A4GALT: variants seen among roughly 807,000 people sequenced by gnomAD.
A4GALT encodes the protein lactosylceramide 4-alpha-galactosyltransferase.
For synonymous variants in A4GALT, 257 were observed against 220.7 expected (o/e 1.16, Z -1.46); for missense variants, 512 against 486.0 (o/e 1.05, Z -0.50).
intron 1 of A4GALT, among the ~76,000 whole-genome samples, chr22:42,698,404 C>T (rs1367808901): frequency 6.6e-6 from 1 of 152,224 alleles, no homozygotes; most frequent in African/African-American, 2.4e-5. Flanking sequence ...AGAAAAGGCC[C>T]TCCAAGCTGG....
At chr22:42,704,876 GGGC>G (rs544933703) in intron 1 of A4GALT, among the ~76,000 whole-genome samples, 2 of 35,360 alleles carry the variant, frequency 5.7e-5, no homozygotes, top group South Asian at 1.1e-3. Flanking sequence ...CAATGGGGGG[GGGC>G]GGGGGGGGGC....
intron 1 of A4GALT, among the ~76,000 whole-genome samples, chr22:42,710,274 A>G (rs1921561755): frequency 6.6e-6 from 1 of 152,218 alleles, no homozygotes; most frequent in South Asian, 2.1e-4. Context: ...AGTAAAAACT[A>G]AAGATGGTAG....
intron 1 of A4GALT, among the ~76,000 whole-genome samples, chr22:42,699,534 C>G (rs962940901): frequency 7.9e-5 from 12 of 152,184 alleles, no homozygotes; most frequent in African/African-American, 2.9e-4. Flanking sequence ...ATGGGCCTGG[C>G]CCGGGGAGCT....
intron 1 of A4GALT, among the ~76,000 whole-genome samples, chr22:42,703,857 AAACAGCACCGAGT>A (rs1372527135): frequency 6.6e-6 from 1 of 152,178 alleles, no homozygotes; most frequent in Non-Finnish European, 1.5e-5. Flanking sequence ...CAGAGCCAAG[AAACAGCACCGAGT>A]ACAGAATTCA....
In A4GALT at chr22:42,692,773, G is replaced by A. The variant is rs1261762316; in HGVS notation, c.*117C>T. On this transcript the variant is annotated 3_prime_UTR_variant, in exon 3 of 3. Coordinates refer to ENST00000642412, the MANE Select transcript of A4GALT (RefSeq NM_017436.7). The surrounding 1 kb of genome is among the most constrained non-coding windows in gnomAD (Gnocchi z 4.6). Reference sequence around the variant, plus strand: ...TGCTCCCACAGCTCCTCAACAGCCTGCCTAAGCCCGGTGGCAGCTCGGGCC... The same window carrying A: ...TGCTCCCACAGCTCCTCAACAGCCTACCTAAGCCCGGTGGCAGCTCGGGCC... 2 of 1,244,558 alleles carry A rather than the reference G, an allele frequency of 1.6e-6. No homozygotes were observed. The highest frequency in any genetic ancestry group is 3.0e-5 in the African/African-American group (2 of 67,558). 77.1% of individuals were successfully genotyped at this position (1,244,558 alleles called of 1,614,324 possible). A position where few individuals can be genotyped will look rare whatever the true frequency, so the allele number is the denominator to read the frequency against.
At chr22:42,708,961 A>G (rs1921413753) in intron 1 of A4GALT, among the ~76,000 whole-genome samples, 1 of 151,804 alleles carries the variant, frequency 6.6e-6, no homozygotes, top group Admixed American at 6.6e-5. Flanking sequence ...ACCAGGGCAA[A>G]ACATTTTGGG....
At chr22:42,718,343 T>A (rs1434596743) in intron 1 of A4GALT, 10 of 152,210 alleles carry the variant, frequency 6.6e-5, no homozygotes, top group Admixed American at 6.5e-4. Flanking sequence ...CTCACTGCAC[T>A]CTCTGCCTCC....
intron 1 of A4GALT, among the ~76,000 whole-genome samples, chr22:42,700,361 G>A (rs1330241182): frequency 6.6e-6 from 1 of 152,212 alleles, no homozygotes; most frequent in African/African-American, 2.4e-5. Context: ...TGTTCTTGGG[G>A]TCTCAACAAG....
intron 1 of A4GALT, among the ~76,000 whole-genome samples, chr22:42,714,157 C>T (rs1383798904): frequency 2.0e-5 from 3 of 151,368 alleles, no homozygotes; most frequent in African/African-American, 7.3e-5. Context: ...GGGTGGTAGT[C>T]CTAGCTATTC....
intron 1 of A4GALT, among the ~76,000 whole-genome samples, chr22:42,714,911 G>A (rs925348941): frequency 2.1e-4 from 32 of 152,216 alleles, no homozygotes; most frequent in African/African-American, 7.2e-4. Context: ...CATTTGCGCT[G>A]AGGCCTGAAG....
At chr22:42,719,207 T>C (rs557960937) in intron 1 of A4GALT, among the ~76,000 whole-genome samples, 1 of 152,352 alleles carries the variant, frequency 6.6e-6, no homozygotes, top group East Asian at 1.9e-4. Flanking sequence ...ATTTTGTAGA[T>C]GGCTGTCCAT....
chr22:42,703,259 G>GTTTTTTTTT (rs59690136), intron 1 of A4GALT, among the ~76,000 whole-genome samples: 2 of 131,748 alleles, frequency 1.5e-5, no homozygotes, highest in African/African-American at 2.9e-5. Flanking sequence ...GTTTGTTTTT[G>GTTTTTTTTT]TTTTTTTTTT....
chr22:42,714,525 C>T lies in A4GALT; in HGVS notation c.-188+6272G>A, dbSNP rs553060867. Among the ~76,000 whole-genome samples, 5 of 151,852 alleles carry T rather than the reference C, an allele frequency of 3.3e-5. No homozygotes were observed. In the East Asian group the frequency reaches 9.7e-4, roughly 29 times the overall value. Reference sequence around the variant, plus strand: ...AGAAGACTGAGCCAGGGTTTCATAACTGCACACCAGGTTGGGCAACAGAGC... The same window carrying T: ...AGAAGACTGAGCCAGGGTTTCATAATTGCACACCAGGTTGGGCAACAGAGC... On this transcript the variant is annotated intron_variant, in intron 1 of 2. Coordinates refer to ENST00000642412, the MANE Select transcript of A4GALT (RefSeq NM_017436.7).
chr22:42,705,048 G>A (rs925914997), intron 1 of A4GALT, among the ~76,000 whole-genome samples: 3 of 152,288 alleles, frequency 2.0e-5, no homozygotes, highest in East Asian at 3.9e-4. Flanking sequence ...AGGTGAAAGA[G>A]GAGTGGATGC....
At position 42,693,439 on chromosome 22, in the gene A4GALT, C is replaced by T. The variant is rs1930639366; in HGVS notation, c.513G>A (p.Leu171=). 1 of 1,613,304 alleles carries T rather than the reference C, an allele frequency of 6.2e-7. No homozygotes were observed. The highest frequency in any genetic ancestry group is 1.7e-5 in the Admixed American group (1 of 60,024). The change falls in exon 3 of 3, where the codon CTG becomes CTA. Residue 171 remains leucine, a synonymous_variant. Transcript: ENST00000642412. ...TCCTGGAGGCGTCGGAGAGCACGGG[C>T]AGCAGGTAGGGCTCCCAGCGCCCCT... is the stretch of plus-strand genomic sequence containing the variant. ...AVQGRWEPYL[L]PVLSDASRIA...
At position 42,692,563 on chromosome 22, in the gene A4GALT, A is replaced by C; in HGVS notation, c.*327T>G. 3 of 477,766 alleles carry C rather than the reference A, an allele frequency of 6.3e-6. No homozygotes were observed. The highest frequency in any genetic ancestry group is 8.2e-6 in the Non-Finnish European group (2 of 244,426). 29.6% of individuals were successfully genotyped at this position (477,766 alleles called of 1,614,324 possible). On this transcript the variant is annotated 3_prime_UTR_variant, in exon 3 of 3. Coordinates refer to ENST00000642412, the MANE Select transcript of A4GALT (RefSeq NM_017436.7). This position sits in a 1 kb window ranked among gnomAD's most constrained non-coding sequence, Gnocchi z 4.6. ...AGCACCGGCCTCTGCCCTCGTGGGC[A>C]CCTCTGTCCCAACTGCCTGGCTTTC...
At chr22:42,700,371 G>T (rs574473582) in intron 1 of A4GALT, among the ~76,000 whole-genome samples, 1 of 152,198 alleles carries the variant, frequency 6.6e-6, no homozygotes, top group Non-Finnish European at 1.5e-5. Context: ...GTCTCAACAA[G>T]AGGGCCCAGG....
Position 42,693,224 on chromosome 22 carries a change from C to A in A4GALT, c.728G>T (p.Gly243Val), listed in dbSNP as rs1284397838. 2 of 1,608,242 alleles carry A rather than the reference C, an allele frequency of 1.2e-6. No homozygotes were observed. The highest frequency in any genetic ancestry group is 1.7e-6 in the Non-Finnish European group (2 of 1,178,014). The change falls in exon 3 of 3, where the codon GGC becomes GTC. Residue 243 changes from glycine to valine, a missense_variant. By Grantham distance (109) the Gly-to-Val change is moderately radical. Transcript: ENST00000642412. ...CGGGCCCTGGTGACCCCAGATCCAG[C>A]CGTTGTAGTGGTCCACGAAGTCCCG... ...CMRDFVDHYN[G>V]WIWGHQGPQL...
intron 1 of A4GALT, among the ~76,000 whole-genome samples, chr22:42,699,328 G>A (rs1010057125): frequency 3.9e-5 from 6 of 151,976 alleles, no homozygotes; most frequent in South Asian, 2.1e-4. Context: ...CAAGTGATCC[G>A]CCCACCTCGG....
Sources: allele counts gnomAD v4.1 joint callset (sites outside exome capture counted in the v4.1 genomes callset), GRCh38; gene constraint gnomAD v4.1.1; non-coding constraint Gnocchi (gnomAD v3.1); transcripts MANE v1.5; gene names NCBI Gene and HGNC (gene_info 2026-07-23, HGNC 2026-07-21).